NUBPL: variants seen among roughly 807,000 people sequenced by gnomAD.
NUBPL encodes the protein iron-sulfur cluster transfer protein NUBPL.
NUBPL carries 31 observed loss-of-function variants against 45.7 expected under a neutral mutation model. The ratio of observed to expected loss-of-function variants is 0.68; its 90% CI spans 0.51 to 0.92. The LOEUF is 0.92. Among genes scored for constraint, NUBPL ranks in the 40% least tolerant of loss-of-function variants. NUBPL has a pLI of 0.00. For synonymous variants in NUBPL, 144 were observed against 140.9 expected, an observed-to-expected ratio of 1.02 and a Z score of -0.15; for missense variants, 401 against 398.7, an observed-to-expected ratio of 1.01 and a Z score of -0.05.
intron 4 of NUBPL, among the ~76,000 whole-genome samples, chr14:31,618,863 A>G (rs893847707): frequency 1.3e-5 from 2 of 152,146 alleles, no homozygotes; most frequent in African/African-American, 4.8e-5. Flanking sequence ...TGTCTCGTAG[A>G]TCTGTCTAAT....
chr14:31,746,320 T>C (rs1342739188), intron 6 of NUBPL, among the ~76,000 whole-genome samples: 6 of 152,022 alleles, frequency 3.9e-5, no homozygotes, highest in Admixed American at 3.9e-4. Flanking sequence ...ATGTTAGCTG[T>C]GGTTTTGTCA....
Position 31,859,107 on chromosome 14 carries a change from T to C in NUBPL, c.898-11T>C, listed in dbSNP as rs1348298571. On this transcript the variant is annotated splice_polypyrimidine_tract_variant and intron_variant, in intron 10 of 10. Coordinates refer to ENST00000281081, the MANE Select transcript of NUBPL (RefSeq NM_025152.3). ...GAGAAATACAGAACAAATAAGTTTG[T>C]TCTTTTCCAGGCCAAAGCTTACTTG... 2 of 1,613,030 alleles carry C rather than the reference T, an allele frequency of 1.2e-6. No individual in the cohort carries two copies. Among genetic ancestry groups the C allele is most frequent in the African/African-American group, 2.7e-5 (2 of 74,904 alleles).
intron 4 of NUBPL, among the ~76,000 whole-genome samples, chr14:31,601,234 C>A (rs1028672763): frequency 6.6e-6 from 1 of 152,152 alleles, no homozygotes; most frequent in African/African-American, 2.4e-5. Context: ...CTTGGTGATG[C>A]AGGCTCTTTT....
intron 3 of NUBPL, among the ~76,000 whole-genome samples, chr14:31,569,732 ATGT>A (rs935903924): frequency 3.9e-5 from 6 of 152,180 alleles, no homozygotes; most frequent in African/African-American, 7.2e-5. Context: ...AACTCGTATC[ATGT>A]TGTTAGCTTG....
chr14:31,615,477 G>A (rs546067863), intron 4 of NUBPL, among the ~76,000 whole-genome samples: 6 of 152,150 alleles, frequency 3.9e-5, no homozygotes, highest in African/African-American at 1.4e-4. Flanking sequence ...GCCCTAGTGT[G>A]TGATGTTCCC....
rs114054498 is a variant in NUBPL at position 31,803,123 on chromosome 14, C to T, written c.607+15250C>T. ...ACAATGGTTTCTGTAATGAAGAAAC[C>T]TATTGGGGATTGGAGGATCAGACAG... On this transcript the variant is annotated intron_variant, in intron 7 of 10. Coordinates refer to ENST00000281081, the MANE Select transcript of NUBPL (RefSeq NM_025152.3). 3.9e-4 allele frequency among the ~76,000 whole-genome samples: 59 copies of T among 152,126 alleles called. 1 individual carries two copies. Among genetic ancestry groups the T allele is most frequent in the African/African-American group, 1.3e-3 (52 of 41,504 alleles).
chr14:31,720,543 C>G (rs753403365), intron 6 of NUBPL, among the ~76,000 whole-genome samples: 45 of 152,276 alleles, frequency 3.0e-4, no homozygotes, highest in Non-Finnish European at 5.3e-4. Flanking sequence ...CTGAGGTGTT[C>G]TCAGAGTCCT....
intron 4 of NUBPL, among the ~76,000 whole-genome samples, chr14:31,623,423 TA>T (rs1453506420): frequency 1.3e-5 from 2 of 152,146 alleles, no homozygotes; most frequent in Non-Finnish European, 2.9e-5. Flanking sequence ...GAGAAGGACA[TA>T]AGATTTGGGT....
At chr14:31,633,968 G>A (rs912415012) in intron 4 of NUBPL, among the ~76,000 whole-genome samples, 3 of 151,980 alleles carry the variant, frequency 2.0e-5, no homozygotes, top group South Asian at 4.1e-4. Flanking sequence ...AGGTTTGAAC[G>A]TTGTGTCCAG....
At chr14:31,847,161 A>G (rs2040466828) in intron 9 of NUBPL, among the ~76,000 whole-genome samples, 2 of 152,206 alleles carry the variant, frequency 1.3e-5, no homozygotes, top group Non-Finnish European at 2.9e-5. Context: ...TAGTCCAAGT[A>G]CTGTAATTTG....
chr14:31,686,017 C>T (rs919796653), intron 6 of NUBPL, among the ~76,000 whole-genome samples: 1 of 151,920 alleles, frequency 6.6e-6, no homozygotes, highest in Non-Finnish European at 1.5e-5. Context: ...TACAATGGTA[C>T]AGAGGCAGTT....
chr14:31,635,290 T>G (rs1235702287), intron 4 of NUBPL, among the ~76,000 whole-genome samples: 1 of 152,212 alleles, frequency 6.6e-6, no homozygotes, highest in Non-Finnish European at 1.5e-5. Flanking sequence ...GGGGATCCAG[T>G]TTCAGCTTTG....
chr14:31,718,258 A>G (rs2037732369), intron 6 of NUBPL, among the ~76,000 whole-genome samples: 1 of 152,172 alleles, frequency 6.6e-6, no homozygotes, highest in Admixed American at 6.5e-5. Context: ...TGAATGAACA[A>G]TTGCTGCTAC....
intron 3 of NUBPL, among the ~76,000 whole-genome samples, chr14:31,593,378 C>A (rs1049390514): frequency 6.6e-6 from 1 of 151,476 alleles, no homozygotes; most frequent in Admixed American, 6.6e-5. Flanking sequence ...GCCGGGTGTG[C>A]TGGGGGGCGT....
chr14:31,634,993 T>A (rs2035449452), intron 4 of NUBPL, among the ~76,000 whole-genome samples: 1 of 150,740 alleles, frequency 6.6e-6, no homozygotes, highest in South Asian at 2.1e-4. Flanking sequence ...ATATTAGCCC[T>A]CTGTCAGATG....
chr14:31,743,089 A>G (rs989873018), intron 6 of NUBPL, among the ~76,000 whole-genome samples: 7 of 152,052 alleles, frequency 4.6e-5, no homozygotes, highest in Non-Finnish European at 2.9e-5. Flanking sequence ...TGGGTCTCTA[A>G]CCTCAGTGAG....
intron 6 of NUBPL, among the ~76,000 whole-genome samples, chr14:31,718,584 T>A (rs1302733107): frequency 2.0e-5 from 3 of 152,122 alleles, no homozygotes; most frequent in Non-Finnish European, 2.9e-5. Context: ...AGTAAAAAAA[T>A]TCTATTAATT....
intron 6 of NUBPL, among the ~76,000 whole-genome samples, chr14:31,713,200 T>C (rs1307452793): frequency 6.6e-6 from 1 of 152,232 alleles, no homozygotes; most frequent in East Asian, 1.9e-4. Context: ...TTCACTAGCC[T>C]TTTTAGTTTC....
At chr14:31,733,863 C>G (rs1369306688) in intron 6 of NUBPL, among the ~76,000 whole-genome samples, 1 of 152,188 alleles carries the variant, frequency 6.6e-6, no homozygotes, top group South Asian at 2.1e-4. Context: ...TTAGGAAAAG[C>G]ATTTAATGTC....
Sources: gnomAD v4.1 joint callset for allele counts (sites outside exome capture counted in the v4.1 genomes callset) on GRCh38, gnomAD v4.1.1 for gene constraint, MANE v1.5 for transcripts, NCBI Gene and HGNC (gene_info 2026-07-23, HGNC 2026-07-21) for gene names.